Variants in UBE2E2 observed in about 807,000 individuals in gnomAD.
UBE2E2 encodes ubiquitin-conjugating enzyme E2 E2.
Under a neutral mutation model 24.7 loss-of-function variants are expected in UBE2E2, and 6 were observed. That is an observed-to-expected ratio of 0.24 (90% CI 0.13 to 0.48). The LOEUF is 0.48. Among genes scored for constraint, UBE2E2 ranks in the 20% least tolerant of loss-of-function variants. The pLI is 0.99. For missense variants in UBE2E2, 169 were observed against 245.0 expected (o/e 0.69, Z 2.07); for synonymous variants, 104 against 83.6 (o/e 1.24, Z -1.33).
chr3:23,326,761 T>C (rs1245899855), intron 3 of UBE2E2, among the ~76,000 whole-genome samples: 1 of 152,228 alleles, frequency 6.6e-6, no homozygotes, highest in Non-Finnish European at 1.5e-5. Context: ...CCCATGTTGG[T>C]GCGCTGCACC....
At position 23,449,969 on chromosome 3, in the gene UBE2E2, G is replaced by C. The variant is rs932563180; in HGVS notation, c.228-49639G>C. The C allele has an allele frequency of 4.1e-6, 4 of 974,940 alleles. No individual in the cohort carries two copies. The African/African-American group carries it at 7.0e-5, about 17-fold the overall frequency. 60.4% of individuals were successfully genotyped at this position (974,940 alleles called of 1,614,324 possible). On this transcript the variant is annotated intron_variant, in intron 3 of 5. Coordinates refer to ENST00000396703, the MANE Select transcript of UBE2E2 (RefSeq NM_152653.4). Reference sequence around the variant, plus strand: ...GAAGAGGCATCCTCCTGGCCACTGGGCCCACTGCTACCCTGCCACGTGAGT... The same window carrying C: ...GAAGAGGCATCCTCCTGGCCACTGGCCCCACTGCTACCCTGCCACGTGAGT...
In UBE2E2 at chr3:23,348,347, C is replaced by CAAAAAAAAAAAAAAA. The variant is rs35038477; in HGVS notation, c.227+131038_227+131052dup. Among the ~76,000 whole-genome samples, 319 of 121,876 alleles carry CAAAAAAAAAAAAAAA rather than the reference C, an allele frequency of 2.6e-3. 3 individuals carry two copies. The highest frequency in any genetic ancestry group is 8.3e-3 in the East Asian group (33 of 3,960). 80.0% of individuals were successfully genotyped at this position (121,876 alleles called of 152,430 possible). A position where few individuals can be genotyped will look rare whatever the true frequency, so the allele number is the denominator to read the frequency against. On this transcript the variant is annotated intron_variant, in intron 3 of 5. Transcript: ENST00000396703. ...GAATAAAATGAGCCTGTGCTGCTTT[C>CAAAAAAAAAAAAAAA]AAAAAAAAAAAAAAAAAGAATAGTC...
intron 3 of UBE2E2, among the ~76,000 whole-genome samples, chr3:23,374,279 A>G (rs1286897608): frequency 6.6e-6 from 1 of 152,224 alleles, no homozygotes; most frequent in African/African-American, 2.4e-5. Flanking sequence ...ACAAATAATG[A>G]TTAAAAACAG....
At chr3:23,355,214 C>G (rs1428260106) in intron 3 of UBE2E2, among the ~76,000 whole-genome samples, 1 of 133,256 alleles carries the variant, frequency 7.5e-6, no homozygotes. Flanking sequence ...GAACCTCACA[C>G]TCTGGGGACT....
chr3:23,570,752 T>A (rs1349689751), intron 5 of UBE2E2, among the ~76,000 whole-genome samples: 2 of 152,220 alleles, frequency 1.3e-5, no homozygotes, highest in African/African-American at 4.8e-5. Flanking sequence ...GAAACAAAGA[T>A]GTCAGAGCTT....
chr3:23,220,030 T>C (rs933336778), intron 3 of UBE2E2, among the ~76,000 whole-genome samples: 1 of 152,170 alleles, frequency 6.6e-6, no homozygotes, highest in African/African-American at 2.4e-5. Flanking sequence ...TGGAATCATA[T>C]TGAAGGAACT....
chr3:23,209,266 A>G (rs907038672), intron 2 of UBE2E2, among the ~76,000 whole-genome samples: 1 of 152,142 alleles, frequency 6.6e-6, no homozygotes, highest in African/African-American at 2.4e-5. Context: ...GTGACAGTTT[A>G]TTTTCCACTA....
intron 1 of UBE2E2, among the ~76,000 whole-genome samples, chr3:23,204,376 T>A (rs1465508921): frequency 1.3e-5 from 2 of 152,212 alleles, no homozygotes; most frequent in Non-Finnish European, 2.9e-5. Flanking sequence ...TTCATCGTTT[T>A]GTATTGTGTA....
chr3:23,365,004 G>T (rs1696217272), intron 3 of UBE2E2, among the ~76,000 whole-genome samples: 1 of 152,012 alleles, frequency 6.6e-6, no homozygotes, highest in South Asian at 2.1e-4. Context: ...CACAAAAACA[G>T]AATTATAAAC....
chr3:23,268,749 A>G (rs1256887498), intron 3 of UBE2E2, among the ~76,000 whole-genome samples: 5 of 149,214 alleles, frequency 3.4e-5, no homozygotes, highest in East Asian at 2.0e-4. Context: ...TGCCAAGTCA[A>G]TCCTAAGCCA....
rs926290999 is a variant in UBE2E2 at position 23,216,747 on chromosome 3, G to A, written c.177-515G>A. Among the ~76,000 whole-genome samples the A allele has an allele frequency of 5.9e-5, 9 of 151,992 alleles. No individual in the cohort carries two copies. The East Asian group carries it at 1.5e-3, about 26-fold the overall frequency. On this transcript the variant is annotated intron_variant, in intron 2 of 5. Coordinates refer to ENST00000396703, the MANE Select transcript of UBE2E2 (RefSeq NM_152653.4). The stretch of plus-strand genomic sequence containing the variant: ...ATGTAATATTAGGGTAGTTCTAGCC[G>A]ATGAAATAGTGTTAAACTTCAAAGT...
intron 3 of UBE2E2, among the ~76,000 whole-genome samples, chr3:23,309,668 C>G (rs1420670257): frequency 6.6e-6 from 1 of 152,048 alleles, no homozygotes; most frequent in Non-Finnish European, 1.5e-5. Flanking sequence ...TATATATAAT[C>G]TTTGTCAATA....
chr3:23,545,154 C>T (rs1356224278), intron 5 of UBE2E2, among the ~76,000 whole-genome samples: 1 of 152,106 alleles, frequency 6.6e-6, no homozygotes, highest in Non-Finnish European at 1.5e-5. Context: ...TTCCTCTTGT[C>T]TCAACTGCAA....
At chr3:23,290,889 TA>T (rs71051209) in intron 3 of UBE2E2, among the ~76,000 whole-genome samples, 96 of 86,744 alleles carry the variant, frequency 1.1e-3, no homozygotes, top group Middle Eastern at 5.2e-3. Context: ...ACTGTGTGTC[TA>T]AAAAAAAAAA....
intron 5 of UBE2E2, among the ~76,000 whole-genome samples, chr3:23,586,607 A>C (rs143405833): frequency 6.6e-6 from 1 of 152,032 alleles, no homozygotes; most frequent in Non-Finnish European, 1.5e-5. Context: ...CAATAACATG[A>C]TTTTTTTAAT....
At chr3:23,322,168 G>A (rs1362383619) in intron 3 of UBE2E2, among the ~76,000 whole-genome samples, 3 of 152,150 alleles carry the variant, frequency 2.0e-5, no homozygotes, top group Non-Finnish European at 4.4e-5. Context: ...TATAACCAAA[G>A]TCTTCCTTTA....
rs577455086 is a variant in UBE2E2, at chr3:23,310,737, T to G, written c.227+93425T>G. ...CCCTGTCTCTATAAAAGTACGTACA[T>G]GCATGCATACTCATACACATAAAAG... On this transcript the variant is annotated intron_variant, in intron 3 of 5. Transcript: ENST00000396703. Among the ~76,000 whole-genome samples the G allele has an allele frequency of 2.0e-5, 3 of 152,244 alleles. 1 individual carries two copies. Among genetic ancestry groups the G allele is most frequent in the African/African-American group, 7.2e-5 (3 of 41,548 alleles).
At chr3:23,402,930 T>C (rs1007341091) in intron 3 of UBE2E2, among the ~76,000 whole-genome samples, 1 of 152,140 alleles carries the variant, frequency 6.6e-6, no homozygotes, top group African/African-American at 2.4e-5. Context: ...TCAACCACCC[T>C]TGACATCCTT....
chr3:23,432,180 G>T (rs1698077549), intron 3 of UBE2E2, among the ~76,000 whole-genome samples: 1 of 152,164 alleles, frequency 6.6e-6, no homozygotes, highest in Non-Finnish European at 1.5e-5. Flanking sequence ...AATGGTATGT[G>T]TAGAGAAAAG....
Sources: allele counts gnomAD v4.1 joint callset (sites outside exome capture counted in the v4.1 genomes callset), GRCh38; gene constraint gnomAD v4.1.1; transcripts MANE v1.5; gene names NCBI Gene and HGNC (gene_info 2026-07-23, HGNC 2026-07-21).